SHCBP1L: variants seen among roughly 807,000 people sequenced by gnomAD.
SHCBP1L encodes the protein SHC binding and spindle associated 1 like.
A neutral mutation model predicts 62.5 loss-of-function variants in SHCBP1L; 67 were observed. The observed-to-expected ratio is 1.07, with a 90% CI of 0.88 to 1.31. The LOEUF (loss-of-function observed/expected upper bound fraction) is 1.31, where lower values mean the gene tolerates loss of function less well. SHCBP1L is among the 40% of genes most tolerant of loss of function. The probability of loss-of-function intolerance (pLI) is 0.00; values close to 1 mark genes in which losing one functional copy is unlikely to be tolerated. For synonymous variants in SHCBP1L, 284 were observed against 289.4 expected (o/e 0.98, Z 0.19); for missense variants, 823 against 809.8 (o/e 1.02, Z -0.20).
At chr1:182,903,982 C>G (rs1649921289) in intron 8 of SHCBP1L, among the ~76,000 whole-genome samples, 198 bp downstream of exon 8, 1 of 152,150 alleles carries the variant, frequency 6.6e-6, no homozygotes, top group Non-Finnish European at 1.5e-5. Context: ...ATATTCTTTA[C>G]TTTGGACCTA....
At chr1:182,946,051 C>A (rs1235313243) in intron 2 of SHCBP1L, among the ~76,000 whole-genome samples, 2 of 147,630 alleles carry the variant, frequency 1.4e-5, no homozygotes, top group African/African-American at 2.5e-5. Context: ...CAGAGCAAGA[C>A]TCCGTCTTAA....
In SHCBP1L at chr1:182,952,970, C is replaced by T; in HGVS notation, c.164G>A (p.Arg55His). 2 of 1,544,010 alleles carry T rather than the reference C, an allele frequency of 1.3e-6. No individual in the cohort carries two copies. The highest frequency in any genetic ancestry group is 1.7e-6 in the Non-Finnish European group (2 of 1,147,752). Reference sequence around the variant, plus strand: ...CCGGCCCGCTTTCCCCTTCACCGGGCGAGGGGAGGCCACCACCGACCGCAC... The same window carrying T: ...CCGGCCCGCTTTCCCCTTCACCGGGTGAGGGGAGGCCACCACCGACCGCAC... The part of the protein sequence containing the change: ...IPVRSVVASP[R>H]PVKGKAGRET... Residue 55 changes from arginine (R) to histidine (H), a missense_variant, in exon 1 of 10, where the codon CGC (arginine) becomes CAC (histidine). Transcript: ENST00000367547.
At chr1:182,923,159 CA>C (rs1444205588) in intron 6 of SHCBP1L, among the ~76,000 whole-genome samples, 2 of 152,146 alleles carry the variant, frequency 1.3e-5, no homozygotes, top group African/African-American at 4.8e-5. Flanking sequence ...TGCAAACACA[CA>C]ATCTCCCAAG....
At chr1:182,917,533 T>G (rs1440983848) in intron 6 of SHCBP1L, among the ~76,000 whole-genome samples, 1 of 152,128 alleles carries the variant, frequency 6.6e-6, no homozygotes, top group Non-Finnish European at 1.5e-5. Context: ...CGTGAGTCAC[T>G]GCACCCGGCC....
intron 6 of SHCBP1L, among the ~76,000 whole-genome samples, chr1:182,924,465 T>G (rs1377411438): frequency 6.6e-6 from 1 of 151,470 alleles, no homozygotes; most frequent in Non-Finnish European, 1.5e-5. Flanking sequence ...GCCCGGCTAA[T>G]TTTTTGTATT....
intron 5 of SHCBP1L, among the ~76,000 whole-genome samples, chr1:182,938,203 G>A (rs1651243434): frequency 6.6e-6 from 1 of 151,972 alleles, no homozygotes; most frequent in East Asian, 1.9e-4. Context: ...CGCCTCCCAG[G>A]TTCAAGCAAT....
chr1:182,909,922 T>C (rs1007266546), intron 6 of SHCBP1L, among the ~76,000 whole-genome samples: 2 of 152,164 alleles, frequency 1.3e-5, no homozygotes, highest in African/African-American at 4.8e-5. Context: ...AGTAGAGGAA[T>C]AAATACGAAG....
chr1:182,909,834 A>C (rs530694626), intron 6 of SHCBP1L, among the ~76,000 whole-genome samples: 5 of 152,266 alleles, frequency 3.3e-5, no homozygotes, highest in African/African-American at 1.2e-4. Context: ...TACCTACTGC[A>C]ATTGGCCAGA....
intron 6 of SHCBP1L, among the ~76,000 whole-genome samples, chr1:182,913,192 G>A (rs1650243913): frequency 6.6e-6 from 1 of 152,092 alleles, no homozygotes. Flanking sequence ...TCTGAGTCCT[G>A]TGAGCTGCTC....
chr1:182,929,790 T>C (rs549837861), intron 5 of SHCBP1L, 38 bp from the exon 6 acceptor site: 19 of 1,337,914 alleles, frequency 1.4e-5, no homozygotes, highest in South Asian at 2.6e-5. Context: ...TAAATTAACA[T>C]GAAAAAGACT....
chr1:182,941,172 AAAAC>A (rs1257271061), intron 2 of SHCBP1L, among the ~76,000 whole-genome samples: 3 of 151,756 alleles, frequency 2.0e-5, no homozygotes, highest in Non-Finnish European at 4.4e-5. Flanking sequence ...CAAAAAAACA[AAAAC>A]AAACAAAAGC....
chr1:182,930,952 CT>C (rs1650980251), intron 5 of SHCBP1L, among the ~76,000 whole-genome samples: 1 of 147,522 alleles, frequency 6.8e-6, no homozygotes, highest in Non-Finnish European at 1.5e-5. Context: ...TCTTGAACTC[CT>C]GGCCTCAAGC....
chr1:182,902,889 T>A (rs1224178385), intron 9 of SHCBP1L, 150 bp downstream of exon 9: 1 of 486,184 alleles, frequency 2.1e-6, no homozygotes, highest in Non-Finnish European at 3.4e-6. Context: ...TCCCAGCAGC[T>A]ATCATTTAAC....
At chr1:182,921,376 T>C (rs1016323327) in intron 6 of SHCBP1L, among the ~76,000 whole-genome samples, 21 of 152,178 alleles carry the variant, frequency 1.4e-4, no homozygotes, top group Non-Finnish European at 4.4e-5. Flanking sequence ...TGAAAGACTG[T>C]TATTTACCAC....
At position 182,940,385 on chromosome 1, in the gene SHCBP1L, A is replaced by T; in HGVS notation, c.714T>A (p.Pro238=). ...GTATATCAGTATCTTGTCCCTCAAC[A>T]GGATACACTTCCAAAAGAGGCACAC... is the stretch of plus-strand genomic sequence containing the variant. ...EHSVPLLEVY[P]VEGQDTDIHV... The change falls in exon 3 of 10, where the codon CCT becomes CCA. Residue 238 remains proline (P), a synonymous_variant. Transcript: ENST00000367547. The T allele has an allele frequency of 6.2e-7, 1 of 1,614,008 alleles. No individual in the cohort carries two copies. The highest frequency in any genetic ancestry group is 8.5e-7 in the Non-Finnish European group (1 of 1,179,960).
At chr1:182,901,170 G>A (rs938133739) in intron 9 of SHCBP1L, among the ~76,000 whole-genome samples, 5 of 152,094 alleles carry the variant, frequency 3.3e-5, no homozygotes, top group African/African-American at 1.2e-4. Context: ...TAGAAAGAGT[G>A]TTTCAGGTCA....
chr1:182,901,103 T>G (rs539896561), intron 9 of SHCBP1L, among the ~76,000 whole-genome samples: 1 of 152,126 alleles, frequency 6.6e-6, no homozygotes. Flanking sequence ...TGAGTGTTCT[T>G]TACATTAAAG....
Position 182,929,683 on chromosome 1 carries a change from T to TA in SHCBP1L, c.1145dup (p.Thr383AsnfsTer11), listed in dbSNP as rs766671596. The TA allele has an allele frequency of 6.3e-7, 1 of 1,591,972 alleles. No homozygotes were observed. Among genetic ancestry groups the TA allele is most frequent in the Admixed American group, 1.9e-5 (1 of 52,662 alleles). On this transcript the variant is annotated frameshift_variant, in exon 6 of 10. Coordinates refer to ENST00000367547, the MANE Select transcript of SHCBP1L (RefSeq NM_030933.4). LOFTEE classifies it high-confidence loss of function. Reference sequence around the variant, plus strand: ...TCATCATTTTTGCTACAATATGTGTTATAGTCTTTCCAAATTCTCTTTTTC... The same window carrying TA: ...TCATCATTTTTGCTACAATATGTGTTAATAGTCTTTCCAAATTCTCTTTTTC...
chr1:182,917,268 T>C (rs894234663), intron 6 of SHCBP1L, among the ~76,000 whole-genome samples: 13 of 152,186 alleles, frequency 8.5e-5, no homozygotes, highest in African/African-American at 3.1e-4. Context: ...TTATACATGA[T>C]GATGAAGTGA....
Sources: gnomAD v4.1 joint callset for allele counts (sites outside exome capture counted in the v4.1 genomes callset) on GRCh38, gnomAD v4.1.1 for gene constraint, MANE v1.5 for transcripts, NCBI Gene and HGNC (gene_info 2026-07-23, HGNC 2026-07-21) for gene names.